Variants in COQ10B observed in about 807,000 individuals in gnomAD.
COQ10B encodes coenzyme Q10B.
Under a neutral mutation model 27.6 loss-of-function variants are expected in COQ10B, and 12 were observed. The observed-to-expected ratio is 0.43, with a 90% CI of 0.28 to 0.70. The LOEUF (loss-of-function observed/expected upper bound fraction) is 0.70. Ranked by LOEUF, COQ10B falls within the 30% of genes least tolerant of loss-of-function variation. The probability of loss-of-function intolerance (pLI) is 0.17; values close to 1 mark genes in which losing one functional copy is unlikely to be tolerated. For missense variants in COQ10B, 278 were observed against 288.7 expected, an observed-to-expected ratio of 0.96 and a Z score of 0.27; for synonymous variants, 115 against 103.0, an observed-to-expected ratio of 1.12 and a Z score of -0.71.
At chr2:197,457,278 A>T (rs1251633460) in intron 1 of COQ10B, among the ~76,000 whole-genome samples, 2 of 152,172 alleles carry the variant, frequency 1.3e-5, no homozygotes, top group Non-Finnish European at 2.9e-5. Context: ...CCACTGTAGG[A>T]TGACTATAGT....
At chr2:197,465,087 G>A (rs1559293602) in intron 3 of COQ10B, among the ~76,000 whole-genome samples, 1 of 151,888 alleles carries the variant, frequency 6.6e-6, no homozygotes, top group South Asian at 2.1e-4. Context: ...GGGTTTCACC[G>A]TGTTAACCAG....
chr2:197,469,581 G>A (rs2085859101), intron 3 of COQ10B, among the ~76,000 whole-genome samples: 1 of 152,198 alleles, frequency 6.6e-6, no homozygotes, highest in Non-Finnish European at 1.5e-5. Flanking sequence ...AAGAGTGAAG[G>A]AAAGACTATA....
At chr2:197,473,412 AAAAATATATATATAT>A (rs2085900891) in intron 4 of COQ10B, among the ~76,000 whole-genome samples, 2 of 64,822 alleles carry the variant, frequency 3.1e-5, no homozygotes, top group African/African-American at 1.4e-4. Flanking sequence ...CAAAAAAAAA[AAAAATATATATATAT>A]ATATATATAT....
intron 1 of COQ10B, among the ~76,000 whole-genome samples, chr2:197,457,049 G>T (rs963419686): frequency 6.6e-6 from 1 of 152,150 alleles, no homozygotes; most frequent in African/African-American, 2.4e-5. Context: ...AGATCATCAG[G>T]CATTAGTTAG....
rs1553573811 is a variant in COQ10B at position 197,462,522 on chromosome 2, A to T, written c.255-17A>T. 1 of 1,414,240 alleles carries T rather than the reference A, an allele frequency of 7.1e-7. No homozygotes were observed. Among genetic ancestry groups the T allele is most frequent in the Admixed American group, 2.2e-5 (1 of 46,354 alleles). The allele number at this position is 1,414,240 out of a possible 1,614,324, so 87.6% of individuals were successfully genotyped here. ...TAGATGGAGTTAACACCTCTTTTTT[A>T]TTTTTATTTTTTAAAGATATTCAAT... On this transcript the variant is annotated splice_polypyrimidine_tract_variant and intron_variant, in intron 2 of 4. Coordinates refer to ENST00000263960, the MANE Select transcript of COQ10B (RefSeq NM_025147.5).
At chr2:197,469,269 A>G (rs549552668) in intron 3 of COQ10B, among the ~76,000 whole-genome samples, 2 of 152,352 alleles carry the variant, frequency 1.3e-5, no homozygotes, top group African/African-American at 4.8e-5. Flanking sequence ...CAGTGGCATA[A>G]TCATAGCTTA....
Position 197,453,554 on chromosome 2 carries a change from G to C in COQ10B, c.-7G>C. The C allele has an allele frequency of 1.2e-6, 2 of 1,610,460 alleles. No individual in the cohort carries two copies. Among genetic ancestry groups the C allele is most frequent in the Non-Finnish European group, 1.7e-6 (2 of 1,176,862 alleles). ...GGGAGGTGACGACCGGCTTCGGAGA[G>C]TCTATCATGGCAGCTCGGACTGGTC... On this transcript the variant is annotated 5_prime_UTR_variant, in exon 1 of 5. Transcript: ENST00000263960.
At chr2:197,468,011 T>TCTA (rs2085842970) in intron 3 of COQ10B, among the ~76,000 whole-genome samples, 1 of 152,338 alleles carries the variant, frequency 6.6e-6, no homozygotes, top group Admixed American at 6.5e-5. Flanking sequence ...TATGACAGCT[T>TCTA]CTACTATTCA....
intron 3 of COQ10B, among the ~76,000 whole-genome samples, chr2:197,463,060 C>A (rs1188318821): frequency 2.0e-5 from 3 of 151,568 alleles, no homozygotes; most frequent in African/African-American, 7.3e-5. Flanking sequence ...GAATTAAATA[C>A]TTTTATTATT....
chr2:197,460,745 G>A (rs2085749014), intron 2 of COQ10B, among the ~76,000 whole-genome samples: 1 of 152,224 alleles, frequency 6.6e-6, no homozygotes, highest in African/African-American at 2.4e-5. Flanking sequence ...AACATTTTCT[G>A]TGAAGGGACA....
Position 197,459,961 on chromosome 2 carries a change from G to A in COQ10B, c.134G>A (p.Ser45Asn). The change falls in exon 2 of 5, where the codon AGC (serine) becomes AAC (asparagine). Residue 45 changes from serine (S) to asparagine (N), a missense_variant. Around this residue, in one of 3 missense-constraint regions of COQ10B, gnomAD observed 183 missense variants for 158.2 expected, o/e 1.16. Coordinates refer to ENST00000263960, the MANE Select transcript of COQ10B (RefSeq NM_025147.5). ...RYLASCGILM[S>N]RTLPLHTSIL... ...TTAGCTTCCTGTGGTATACTGATGAGCAGAACTCTTCCACTACATACCTCA... is the reference window on the plus strand; with the variant it reads ...TTAGCTTCCTGTGGTATACTGATGAACAGAACTCTTCCACTACATACCTCA... 1.2e-6 allele frequency: 2 copies of A among 1,610,888 alleles called. No homozygotes were observed. The highest frequency in any genetic ancestry group is 1.7e-6 in the Non-Finnish European group (2 of 1,178,406).
intron 1 of COQ10B, 100 bp downstream of exon 1, chr2:197,453,764 G>T: frequency 8.9e-7 from 1 of 1,126,882 alleles, no homozygotes; most frequent in South Asian, 1.3e-5. Context: ...GCCGGACTCG[G>T]TGCATTTCCG....
At chr2:197,465,976 C>T (rs1213631796) in intron 3 of COQ10B, among the ~76,000 whole-genome samples, 2 of 152,086 alleles carry the variant, frequency 1.3e-5, no homozygotes. Context: ...CCTATAATCC[C>T]AGCTACTCGG....
rs1025628246 is a variant in COQ10B at position 197,475,037 on chromosome 2, G to A, written c.*1113G>A. The stretch of plus-strand genomic sequence containing the variant: ...ATTGTGTACACTCACTTTCAGTAAT[G>A]TGTTTCAAACTGGTATTTTTTAAAA... On this transcript the variant is annotated 3_prime_UTR_variant, in exon 5 of 5. Transcript: ENST00000263960. 6.6e-6 allele frequency: 1 copy of A among 152,184 alleles called. No homozygotes were observed. Among genetic ancestry groups the A allele is most frequent in the African/African-American group, 2.4e-5 (1 of 41,404 alleles). 9.4% of individuals were successfully genotyped at this position (152,184 alleles called of 1,614,324 possible).
intron 4 of COQ10B, among the ~76,000 whole-genome samples, chr2:197,471,051 G>A (rs889091292): frequency 6.6e-6 from 1 of 152,188 alleles, no homozygotes; most frequent in African/African-American, 2.4e-5. Context: ...GGGCAACAGA[G>A]TGAGACCCTG....
chr2:197,457,093 G>C (rs942187107), intron 1 of COQ10B, among the ~76,000 whole-genome samples: 2 of 152,056 alleles, frequency 1.3e-5, no homozygotes, highest in East Asian at 3.9e-4. Flanking sequence ...TAGATTCCTC[G>C]CATGTGCAGT....
intron 1 of COQ10B, chr2:197,454,119 T>G (rs999532849): frequency 4.6e-5 from 72 of 1,550,640 alleles, no homozygotes; most frequent in Admixed American, 5.9e-5. Context: ...TCTGAAAGAG[T>G]GCTTTGCCCT....
At chr2:197,460,394 T>G (rs183545866) in intron 2 of COQ10B, among the ~76,000 whole-genome samples, 17 of 152,248 alleles carry the variant, frequency 1.1e-4, no homozygotes, top group African/African-American at 4.1e-4. Flanking sequence ...GGTTTCACTG[T>G]GTTGGCCAGG....
intron 3 of COQ10B, among the ~76,000 whole-genome samples, chr2:197,466,908 A>G (rs1390837153): frequency 6.6e-6 from 1 of 150,566 alleles, no homozygotes; most frequent in Non-Finnish European, 1.5e-5. Flanking sequence ...TTGAGAATAT[A>G]TGCTCAACTT....
Sources: allele counts gnomAD v4.1 joint callset (sites outside exome capture counted in the v4.1 genomes callset), GRCh38; gene constraint gnomAD v4.1.1; regional missense constraint gnomAD v4.1.1; transcripts MANE v1.5; gene names NCBI Gene and HGNC (gene_info 2026-07-23, HGNC 2026-07-21).